Variants in ITPR2 observed in about 807,000 individuals in gnomAD.
ITPR2 encodes inositol 1,4,5-trisphosphate-gated calcium channel ITPR2.
A neutral mutation model predicts 317.1 loss-of-function variants in ITPR2; 207 were observed. The observed-to-expected ratio is 0.65, with a 90% CI of 0.58 to 0.73. ITPR2 has a LOEUF of 0.73. Ranked by LOEUF, ITPR2 falls within the 30% of genes least tolerant of loss-of-function variation. The pLI is 0.00. For missense variants in ITPR2, 2,613 were observed against 3,284.0 expected (o/e 0.80, Z 4.99); for synonymous variants, 1,156 against 1,149.1 (o/e 1.01, Z -0.12).
chr12:26,418,946 A>G (rs1397249731), intron 50 of ITPR2, 103 bp downstream of exon 50: 1 of 923,700 alleles, frequency 1.1e-6, no homozygotes, highest in Non-Finnish European at 1.6e-6. Flanking sequence ...TTTGTCCTAA[A>G]TGTCAGGCTT....
intron 37 of ITPR2, among the ~76,000 whole-genome samples, chr12:26,545,327 T>C (rs1471278975): frequency 6.6e-6 from 1 of 151,408 alleles, no homozygotes; most frequent in Non-Finnish European, 1.5e-5. Flanking sequence ...GGTGTTCTTA[T>C]AGGAAGGAGA....
chr12:26,410,279 G>A (rs747827503), intron 52 of ITPR2, among the ~76,000 whole-genome samples: 7 of 152,192 alleles, frequency 4.6e-5, no homozygotes, highest in Non-Finnish European at 7.3e-5. Flanking sequence ...CGGCAGGGGA[G>A]AGAAGTGCTG....
At chr12:26,723,634 C>T (rs1948872106) in intron 4 of ITPR2, among the ~76,000 whole-genome samples, 2 of 152,162 alleles carry the variant, frequency 1.3e-5, no homozygotes, top group South Asian at 4.1e-4. Flanking sequence ...TCATCTTATC[C>T]CAACAGTGCA....
intron 26 of ITPR2, among the ~76,000 whole-genome samples, chr12:26,615,865 T>A (rs1170762604): frequency 1.3e-5 from 2 of 152,012 alleles, no homozygotes; most frequent in East Asian, 3.8e-4. Flanking sequence ...AAAATAAAAA[T>A]ATTATTAAAT....
chr12:26,488,432 C>G (rs150782885), intron 39 of ITPR2, among the ~76,000 whole-genome samples: 1 of 152,024 alleles, frequency 6.6e-6, no homozygotes, highest in Non-Finnish European at 1.5e-5. Flanking sequence ...GGATCTGTAA[C>G]TGAGACTCTA....
chr12:26,769,445 C>A (rs1305501331), intron 2 of ITPR2, among the ~76,000 whole-genome samples: 1 of 152,072 alleles, frequency 6.6e-6, no homozygotes, highest in Non-Finnish European at 1.5e-5. Flanking sequence ...AGGCAGTTGA[C>A]TTCGGCTTGA....
intron 54 of ITPR2, among the ~76,000 whole-genome samples, chr12:26,394,380 G>A (rs986128388): frequency 3.3e-5 from 5 of 152,196 alleles, no homozygotes; most frequent in African/African-American, 4.8e-5. Context: ...TTTAGGGTCC[G>A]ATGTGTGAGA....
intron 1 of ITPR2, among the ~76,000 whole-genome samples, chr12:26,790,628 T>C (rs79346799): frequency 0.016 from 1,850 of 119,082 alleles, 43 homozygotes; most frequent in African/African-American, 0.05. Context: ...CTTCTACACA[T>C]ACATATATAA....
intron 54 of ITPR2, among the ~76,000 whole-genome samples, chr12:26,391,483 C>T (rs922960505): frequency 4.7e-5 from 7 of 150,534 alleles, no homozygotes; most frequent in South Asian, 2.1e-4. Flanking sequence ...GCAGAAACAA[C>T]GGCAAGCTTT....
chr12:26,742,664 A>C (rs1202960953), intron 2 of ITPR2, among the ~76,000 whole-genome samples: 2 of 152,024 alleles, frequency 1.3e-5, no homozygotes, highest in African/African-American at 4.8e-5. Flanking sequence ...AAATACAAAA[A>C]TTAGCCGGGA....
intron 25 of ITPR2, among the ~76,000 whole-genome samples, chr12:26,621,814 A>T (rs78624940): frequency 0.015 from 2,235 of 152,288 alleles, 52 homozygotes; most frequent in African/African-American, 0.05. Context: ...TGTCTTATTC[A>T]AAGACCACAA....
intron 51 of ITPR2, among the ~76,000 whole-genome samples, chr12:26,413,545 T>C (rs1486658916): frequency 6.6e-6 from 1 of 152,208 alleles, no homozygotes; most frequent in African/African-American, 2.4e-5. Context: ...GAAATGAAAT[T>C]TGAAATATTA....
chr12:26,532,672 A>G (rs1943975766), intron 37 of ITPR2, among the ~76,000 whole-genome samples: 1 of 152,028 alleles, frequency 6.6e-6, no homozygotes, highest in Non-Finnish European at 1.5e-5. Flanking sequence ...AATTGATGAA[A>G]TGATATTCCA....
intron 2 of ITPR2, among the ~76,000 whole-genome samples, chr12:26,769,491 T>G (rs759876605): frequency 6.6e-6 from 1 of 152,074 alleles, no homozygotes; most frequent in Non-Finnish European, 1.5e-5. Context: ...TATCTAAAAC[T>G]CTTGGTGGTA....
intron 52 of ITPR2, among the ~76,000 whole-genome samples, chr12:26,404,902 A>G (rs10842725): frequency 0.98 from 149,271 of 152,308 alleles, 73,214 homozygotes; most frequent in East Asian, 1. Context: ...GGGAGGCTGA[A>G]GTGGGCAGAC....
chr12:26,627,796 C>T (rs183479146), intron 23 of ITPR2, among the ~76,000 whole-genome samples: 11 of 152,124 alleles, frequency 7.2e-5, no homozygotes, highest in Non-Finnish European at 1.6e-4. Context: ...AGGGGAGTGA[C>T]AGCATTAGGA....
At chr12:26,806,389 A>G (rs1950639240) in intron 1 of ITPR2, among the ~76,000 whole-genome samples, 2 of 152,130 alleles carry the variant, frequency 1.3e-5, no homozygotes, top group Admixed American at 6.5e-5. Context: ...AAGACATAGA[A>G]AAAGCCTTGA....
chr12:26,639,080 G>A (rs559053954), intron 21 of ITPR2, among the ~76,000 whole-genome samples: 9 of 152,274 alleles, frequency 5.9e-5, no homozygotes, highest in African/African-American at 2.2e-4. Context: ...TGATAAATTA[G>A]ATTGAGTCAT....
chr12:26,447,847 G>T (rs557707352), intron 45 of ITPR2, among the ~76,000 whole-genome samples: 1 of 151,948 alleles, frequency 6.6e-6, no homozygotes, highest in African/African-American at 2.4e-5. Flanking sequence ...TTTTTAAAGG[G>T]TTTAGTCCCC....
Sources: allele counts gnomAD v4.1 joint callset (sites outside exome capture counted in the v4.1 genomes callset), GRCh38; gene constraint gnomAD v4.1.1; transcripts MANE v1.5; gene names NCBI Gene and HGNC (gene_info 2026-07-23, HGNC 2026-07-21).